The following GRK5 variants were observed in gnomAD, a reference collection of about 807,000 sequenced individuals.
GRK5 encodes g protein-coupled receptor kinase GRK5.
GRK5 carries 40 observed loss-of-function variants against 78.4 expected under a neutral mutation model. The ratio of observed to expected loss-of-function variants is 0.51; its 90% CI spans 0.40 to 0.66. The LOEUF is 0.66. Ranked by LOEUF, GRK5 falls within the 30% of genes least tolerant of loss-of-function variation. The probability of loss-of-function intolerance (pLI) is 0.00; values close to 1 mark genes in which losing one functional copy is unlikely to be tolerated. For missense variants in GRK5, 598 were observed against 759.9 expected (o/e 0.79, Z 2.50); for synonymous variants, 289 against 296.8 (o/e 0.97, Z 0.27).
intron 2 of GRK5, among the ~76,000 whole-genome samples, chr10:119,343,994 C>T (rs1245024365): frequency 6.6e-6 from 1 of 152,080 alleles, no homozygotes; most frequent in Non-Finnish European, 1.5e-5. Flanking sequence ...CGCTAAGGCT[C>T]AGGTAATGCC....
Position 119,434,227 on chromosome 10 carries a change from CT to C in GRK5, c.739-2423del, listed in dbSNP as rs1467292936. 1.4e-4 allele frequency among the ~76,000 whole-genome samples: 21 copies of C among 152,320 alleles called. 1 individual carries two copies. The East Asian group carries it at 3.9e-3, about 28-fold the overall frequency. ...ACAGCCCAACCATATCATTCTGCCC[CT>C]GGCCCCTCCCAAATCTCATGACCTC... is the stretch of plus-strand genomic sequence containing the variant. On this transcript the variant is annotated intron_variant, in intron 8 of 15. Transcript: ENST00000392870.
intron 1 of GRK5, among the ~76,000 whole-genome samples, chr10:119,285,766 C>A (rs1324783995): frequency 6.6e-6 from 1 of 152,094 alleles, no homozygotes; most frequent in East Asian, 1.9e-4. Context: ...AAGCCATATC[C>A]GTGGAGGTAG....
chr10:119,328,309 T>C (rs910079950), intron 2 of GRK5, among the ~76,000 whole-genome samples: 5 of 152,108 alleles, frequency 3.3e-5, no homozygotes, highest in African/African-American at 1.2e-4. Flanking sequence ...ACTGAGACTT[T>C]GCAGGGGGCC....
intron 2 of GRK5, among the ~76,000 whole-genome samples, chr10:119,375,166 T>C (rs191313584): frequency 7.6e-4 from 115 of 152,256 alleles, no homozygotes; most frequent in African/African-American, 2.6e-3. Context: ...TGACATCCTA[T>C]GGTGGTCTCA....
chr10:119,221,285 G>C (rs141717002), intron 1 of GRK5, among the ~76,000 whole-genome samples: 1 of 152,272 alleles, frequency 6.6e-6, no homozygotes, highest in African/African-American at 2.4e-5. Context: ...CCAAATCTCT[G>C]TATATGCACA....
At chr10:119,282,115 A>G (rs748621987) in intron 1 of GRK5, among the ~76,000 whole-genome samples, 7 of 152,056 alleles carry the variant, frequency 4.6e-5, no homozygotes, top group Non-Finnish European at 1.0e-4. Context: ...GCCTTTTCAC[A>G]CAGCACCTCT....
intron 2 of GRK5, among the ~76,000 whole-genome samples, chr10:119,366,520 G>A (rs759498151): frequency 7.9e-5 from 12 of 152,292 alleles, no homozygotes; most frequent in Admixed American, 1.3e-4. Context: ...GCAGCTACTC[G>A]GCTCAGCTTT....
chr10:119,386,780 C>A (rs1851805201), intron 3 of GRK5, among the ~76,000 whole-genome samples: 1 of 152,192 alleles, frequency 6.6e-6, no homozygotes. Flanking sequence ...AACTTCTCGT[C>A]TAAAATCCGT....
At chr10:119,340,770 C>T (rs1039763832) in intron 2 of GRK5, among the ~76,000 whole-genome samples, 10 of 152,174 alleles carry the variant, frequency 6.6e-5, no homozygotes, top group African/African-American at 1.9e-4. Flanking sequence ...TTGATTTGCT[C>T]GTCTTTAAAA....
At chr10:119,343,851 G>A (rs534035727) in intron 2 of GRK5, among the ~76,000 whole-genome samples, 1 of 152,264 alleles carries the variant, frequency 6.6e-6, no homozygotes, top group East Asian at 1.9e-4. Flanking sequence ...AGAGCAGGCG[G>A]GCTTCCAGGC....
chr10:119,326,588 G>A lies in GRK5; in HGVS notation c.125G>A (p.Cys42Tyr), dbSNP rs1244210867. The part of the protein sequence containing the change: ...EILKFPHISQ[C>Y]EDLRRTIDRD... Reference sequence around the variant, plus strand: ...CTGAAGTTCCCTCACATTAGCCAGTGTGAAGACCTCCGAAGGACCATAGGT... The same window carrying A: ...CTGAAGTTCCCTCACATTAGCCAGTATGAAGACCTCCGAAGGACCATAGGT... Residue 42 changes from cysteine to tyrosine, a missense_variant, in exon 2 of 16, where the codon TGT becomes TAT. Transcript: ENST00000392870. The A allele has an allele frequency of 1.2e-6, 2 of 1,613,880 alleles. No homozygotes were observed. Among genetic ancestry groups the A allele is most frequent in the African/African-American group, 1.3e-5 (1 of 74,932 alleles).
At chr10:119,235,320 T>A (rs1164543358) in intron 1 of GRK5, among the ~76,000 whole-genome samples, 1 of 152,158 alleles carries the variant, frequency 6.6e-6, no homozygotes, top group Admixed American at 6.5e-5. Flanking sequence ...GCAACTTGAT[T>A]TGCCTATTAT....
chr10:119,435,065 G>T (rs1394584601), intron 8 of GRK5, among the ~76,000 whole-genome samples: 1 of 152,234 alleles, frequency 6.6e-6, no homozygotes, highest in African/African-American at 2.4e-5. Flanking sequence ...GGATGGAGCA[G>T]CTGGGACTCA....
intron 3 of GRK5, among the ~76,000 whole-genome samples, chr10:119,394,528 G>T (rs1245319452): frequency 2.8e-4 from 1 of 3,602 alleles, no homozygotes; most frequent in Non-Finnish European, 6.3e-4. Context: ...GGTGTGTGTG[G>T]GTGTGTATCT....
At chr10:119,245,952 A>G (rs1196443149) in intron 1 of GRK5, among the ~76,000 whole-genome samples, 13 of 145,214 alleles carry the variant, frequency 9.0e-5, no homozygotes, top group African/African-American at 2.0e-4. Context: ...CCCGGGAGGC[A>G]GAGCCTGCAG....
chr10:119,330,423 T>A (rs1850754883), intron 2 of GRK5: 1 of 149,642 alleles, frequency 6.7e-6, no homozygotes. Flanking sequence ...TCTTGTCTCT[T>A]TTTATAAGAG....
chr10:119,231,389 G>A (rs555848288), intron 1 of GRK5, among the ~76,000 whole-genome samples: 95 of 152,034 alleles, frequency 6.2e-4, no homozygotes, highest in South Asian at 8.3e-4. Flanking sequence ...CATAAAAAAA[G>A]AAGACATACA....
At chr10:119,414,548 C>A (rs1053622083) in intron 4 of GRK5, among the ~76,000 whole-genome samples, 4 of 152,226 alleles carry the variant, frequency 2.6e-5, no homozygotes, top group African/African-American at 9.6e-5. Flanking sequence ...ATGTGGCATC[C>A]TTGGAGTACA....
intron 1 of GRK5, among the ~76,000 whole-genome samples, chr10:119,323,623 G>A (rs192951397): frequency 7.9e-5 from 12 of 152,326 alleles, no homozygotes; most frequent in Admixed American, 2.0e-4. Flanking sequence ...GCCCAGCTCC[G>A]GCTGATTCTT....
Sources: allele counts gnomAD v4.1 joint callset (sites outside exome capture counted in the v4.1 genomes callset), GRCh38; gene constraint gnomAD v4.1.1; transcripts MANE v1.5; gene names NCBI Gene and HGNC (gene_info 2026-07-23, HGNC 2026-07-21).